The following ATP6V0A1 variants were observed in gnomAD, a reference collection of about 807,000 sequenced individuals.
The protein encoded by ATP6V0A1 is V-type proton ATPase 116 kDa subunit a 1.
ATP6V0A1 carries 43 observed loss-of-function variants against 105.4 expected under a neutral mutation model. The ratio of observed to expected loss-of-function variants is 0.41; its 90% CI spans 0.32 to 0.53. The LOEUF (loss-of-function observed/expected upper bound fraction) is 0.53, where lower values mean the gene tolerates loss of function less well. Among genes scored for constraint, ATP6V0A1 ranks in the 20% least tolerant of loss-of-function variants. ATP6V0A1 has a pLI of 0.30. For synonymous variants in ATP6V0A1, 362 were observed against 372.8 expected (o/e 0.97, Z 0.33); for missense variants, 676 against 1,051.1 (o/e 0.64, Z 4.93).
chr17:42,495,952 G>C, intron 14 of ATP6V0A1: 1 of 370,004 alleles, frequency 2.7e-6, no homozygotes. Context: ...CATGCCTGTA[G>C]TCCCAGCTAC....
intron 17 of ATP6V0A1, 79 bp from the exon 18 acceptor site, chr17:42,507,441 C>T: frequency 1.0e-6 from 1 of 1,002,532 alleles, no homozygotes; most frequent in Non-Finnish European, 1.5e-6. Flanking sequence ...GTTTGTGTTA[C>T]TAACCATCGC....
rs1223350360 is a variant in ATP6V0A1, at chr17:42,482,943, C to T, written c.717-95C>T. On this transcript the variant is annotated intron_variant, in intron 8 of 21. Transcript: ENST00000343619. ...TGTTGACTTAATACATCGGTCTGACCTAATCCTGTTTTGGTCCTTCTGGTA... is the reference window on the plus strand; with the variant it reads ...TGTTGACTTAATACATCGGTCTGACTTAATCCTGTTTTGGTCCTTCTGGTA... 3 of 663,562 alleles carry T rather than the reference C, an allele frequency of 4.5e-6. No homozygotes were observed. The Admixed American group carries it at 1.2e-4, about 27-fold the overall frequency. 41.1% of individuals were successfully genotyped at this position (663,562 alleles called of 1,614,324 possible). A position where few individuals can be genotyped will look rare whatever the true frequency, so the allele number is the denominator to read the frequency against.
intron 11 of ATP6V0A1, 83 bp from the exon 12 acceptor site, chr17:42,494,251 T>C: frequency 8.5e-7 from 1 of 1,176,322 alleles, no homozygotes; most frequent in Non-Finnish European, 1.1e-6. Context: ...AAAAGGGGGG[T>C]GGGTATGGAA....
intron 17 of ATP6V0A1, among the ~76,000 whole-genome samples, chr17:42,504,831 C>T (rs558355620): frequency 6.6e-6 from 1 of 152,310 alleles, no homozygotes; most frequent in African/African-American, 2.4e-5. Flanking sequence ...CAGTCCTCCT[C>T]TTCAGGGGGC....
chr17:42,514,154 G>GC (rs2092492764), intron 20 of ATP6V0A1, 135 bp from the exon 21 acceptor site: 1 of 1,318,284 alleles, frequency 7.6e-7, no homozygotes, highest in African/African-American at 1.5e-5. Flanking sequence ...GGTTAGCTCT[G>GC]CATGGTGGTC....
intron 5 of ATP6V0A1, among the ~76,000 whole-genome samples, chr17:42,477,194 G>T (rs1356884613): frequency 2.0e-5 from 3 of 152,174 alleles, no homozygotes; most frequent in Non-Finnish European, 4.4e-5. Flanking sequence ...ATTCTAGTTT[G>T]TAGCTGCCTA....
chr17:42,467,513 G>A (rs1269126921), intron 3 of ATP6V0A1, among the ~76,000 whole-genome samples: 1 of 152,142 alleles, frequency 6.6e-6, no homozygotes, highest in Non-Finnish European at 1.5e-5. Context: ...TACCTGTTCT[G>A]CTTTTTCATT....
intron 9 of ATP6V0A1, 37 bp from the exon 10 acceptor site, chr17:42,487,118 T>TA: frequency 6.2e-7 from 1 of 1,602,034 alleles, no homozygotes; most frequent in Non-Finnish European, 8.6e-7. Context: ...AAACTGGTGT[T>TA]AAAAGGATCC....
intron 17 of ATP6V0A1, chr17:42,502,716 C>T (rs2091771116): frequency 6.6e-6 from 1 of 152,604 alleles, no homozygotes; most frequent in Non-Finnish European, 1.5e-5. Context: ...TTCCATGTAC[C>T]CTCCATTTGT....
intron 15 of ATP6V0A1, 28 bp downstream of exon 15, chr17:42,499,070 ATG>A: frequency 1.4e-6 from 2 of 1,479,684 alleles, no homozygotes; most frequent in Non-Finnish European, 1.9e-6. Context: ...TGTCATAAGA[ATG>A]TGCATAGTTT....
chr17:42,491,302 A>G (rs925818766), intron 11 of ATP6V0A1, among the ~76,000 whole-genome samples: 23 of 151,774 alleles, frequency 1.5e-4, no homozygotes, highest in Admixed American at 3.3e-4. Flanking sequence ...CTGTTTTTTT[A>G]ATTTAATTTT....
At position 42,467,209 on chromosome 17, in the gene ATP6V0A1, T is replaced by C. The variant is rs145570246; in HGVS notation, c.196+702T>C. On this transcript the variant is annotated intron_variant, in intron 3 of 21. Coordinates refer to ENST00000343619, the MANE Select transcript of ATP6V0A1 (RefSeq NM_001130021.3). ...GTTCTCTTGAGGGCTAGGTTGCTCA[T>C]ATACATTACTTTATTCATTCTCCAC... 7.1e-3 allele frequency among the ~76,000 whole-genome samples: 1,079 copies of C among 152,024 alleles called. 10 individuals are homozygous for C. Among genetic ancestry groups the C allele is most frequent in the African/African-American group, 0.024 (1,011 of 41,466 alleles).
chr17:42,508,600 A>G lies in ATP6V0A1; in HGVS notation c.2130+11A>G. ...TCCGAGGACGAAGTGGTAAGATGAA[A>G]GCTGGCGTTGCCTTCGTGTTTATCC... On this transcript the variant is annotated intron_variant, in intron 19 of 21. Coordinates refer to ENST00000343619, the MANE Select transcript of ATP6V0A1 (RefSeq NM_001130021.3). 4.3e-6 allele frequency: 7 copies of G among 1,614,006 alleles called. No homozygotes were observed. The highest frequency in any genetic ancestry group is 5.9e-6 in the Non-Finnish European group (7 of 1,179,892).
intron 2 of ATP6V0A1, among the ~76,000 whole-genome samples, chr17:42,463,699 G>A (rs2086704520): frequency 6.6e-6 from 1 of 152,088 alleles, no homozygotes; most frequent in South Asian, 2.1e-4. Context: ...CCTTGAAAAT[G>A]CAGGGGTTAG....
chr17:42,483,139 G>A lies in ATP6V0A1; in HGVS notation c.810+8G>A. ...ATTGATGATCTCCAAATGGTATGCA[G>A]AAGGCTGGAGGGAATTTGTTTTTGT... is the stretch of plus-strand genomic sequence containing the variant. On this transcript the variant is annotated splice_region_variant and intron_variant, in intron 9 of 21. Transcript: ENST00000343619. 6.7e-7 allele frequency: 1 copy of A among 1,493,196 alleles called. No homozygotes were observed. The allele number at this position is 1,493,196 out of a possible 1,614,324, so 92.5% of individuals were successfully genotyped here. A position where few individuals can be genotyped will look rare whatever the true frequency, so the allele number is the denominator to read the frequency against.
At chr17:42,470,243 T>A in intron 5 of ATP6V0A1, 25 bp downstream of exon 5, 1 of 1,609,020 alleles carries the variant, frequency 6.2e-7, no homozygotes, top group Non-Finnish European at 8.5e-7. Flanking sequence ...TCTTTTAGTA[T>A]TTGAGCAGCT....
intron 5 of ATP6V0A1, among the ~76,000 whole-genome samples, chr17:42,473,998 CCT>C (rs1037210277): frequency 4.6e-5 from 7 of 151,428 alleles, no homozygotes; most frequent in African/African-American, 1.7e-4. Context: ...GGTTGTTTTC[CCT>C]CTCCTATTTT....
chr17:42,471,730 T>C (rs896355401), intron 5 of ATP6V0A1, among the ~76,000 whole-genome samples: 6 of 151,254 alleles, frequency 4.0e-5, no homozygotes, highest in Non-Finnish European at 3.0e-5. Flanking sequence ...CAAGACTGTC[T>C]CAAAAAAAAA....
chr17:42,468,059 C>A lies in ATP6V0A1; in HGVS notation c.246C>A (p.Thr82=), dbSNP rs916402867. The A allele has an allele frequency of 6.2e-7, 1 of 1,604,354 alleles. No homozygotes were observed. Among genetic ancestry groups the A allele is most frequent in the East Asian group, 2.3e-5 (1 of 44,076 alleles). ...IRKANIPIMD[T]GENPEVPFPR... Reference sequence around the variant, plus strand: ...AAGCTAACATTCCGATTATGGACACCGGTGAAAACCCAGAGGTTCCCTTCC... The same window carrying A: ...AAGCTAACATTCCGATTATGGACACAGGTGAAAACCCAGAGGTTCCCTTCC... Residue 82 remains threonine, a synonymous_variant, in exon 4 of 22, where the codon ACC becomes ACA. Coordinates refer to ENST00000343619, the MANE Select transcript of ATP6V0A1 (RefSeq NM_001130021.3).
Sources: gnomAD v4.1 joint callset for allele counts (sites outside exome capture counted in the v4.1 genomes callset) on GRCh38, gnomAD v4.1.1 for gene constraint, MANE v1.5 for transcripts, NCBI Gene and HGNC (gene_info 2026-07-23, HGNC 2026-07-21) for gene names.